The following CACNA2D1 variants were observed in gnomAD, a reference collection of about 807,000 sequenced individuals.
The protein encoded by CACNA2D1 is voltage-dependent calcium channel subunit alpha-2/delta-1.
A neutral mutation model predicts 171.5 loss-of-function variants in CACNA2D1; 53 were observed. That is an observed-to-expected ratio of 0.31 (90% CI 0.25 to 0.39). The LOEUF (loss-of-function observed/expected upper bound fraction) is 0.39, where lower values mean the gene tolerates loss of function less well. Among genes scored for constraint, CACNA2D1 ranks in the 10% least tolerant of loss-of-function variants. The probability of loss-of-function intolerance (pLI) is 1.00; values close to 1 mark genes in which losing one functional copy is unlikely to be tolerated. For missense variants in CACNA2D1, 903 were observed against 1,299.8 expected, an observed-to-expected ratio of 0.69 and a Z score of 4.69; for synonymous variants, 442 against 443.1, an observed-to-expected ratio of 1.00 and a Z score of 0.03.
chr7:82,264,510 A>G (rs1585264818), intron 3 of CACNA2D1, among the ~76,000 whole-genome samples: 1 of 152,334 alleles, frequency 6.6e-6, no homozygotes, highest in South Asian at 2.1e-4. Context: ...AGAGAGTAAA[A>G]GAAAAGCAGC....
intron 25 of CACNA2D1, 56 bp from the exon 26 acceptor site, chr7:81,971,920 T>A: frequency 9.4e-7 from 1 of 1,060,088 alleles, no homozygotes; most frequent in Non-Finnish European, 1.5e-6. Context: ...ATGATCATAA[T>A]GAAAAATATA....
intron 1 of CACNA2D1, among the ~76,000 whole-genome samples, chr7:82,398,772 T>TCTCAACATGTTGCCTAGGCTGGTGTC (rs1250044802): frequency 1.3e-5 from 2 of 151,728 alleles, no homozygotes; most frequent in African/African-American, 2.4e-5. Flanking sequence ...GAGATGGTGG[T>TCTCAACATGTTGCCTAGGCTGGTGTC]CTCAACATGT....
At chr7:82,033,110 T>C (rs1464639749) in intron 11 of CACNA2D1, 5 of 471,558 alleles carry the variant, frequency 1.1e-5, no homozygotes, top group African/African-American at 5.8e-5. Context: ...CATAAGTCTA[T>C]CTCACTTCCT....
chr7:82,386,879 A>G (rs4732456), intron 1 of CACNA2D1, among the ~76,000 whole-genome samples: 1,743 of 151,996 alleles, frequency 0.011, 60 homozygotes, highest in East Asian at 0.07. Context: ...CAAAAGTATC[A>G]AATTCCTTTT....
chr7:81,969,535 T>C (rs1795048793), intron 28 of CACNA2D1, among the ~76,000 whole-genome samples: 1 of 151,328 alleles, frequency 6.6e-6, no homozygotes, highest in Non-Finnish European at 1.5e-5. Context: ...ACTGATAAAA[T>C]GTAATTAATC....
intron 15 of CACNA2D1, among the ~76,000 whole-genome samples, chr7:82,008,110 C>T (rs1396272995): frequency 6.6e-6 from 1 of 152,040 alleles, no homozygotes; most frequent in Non-Finnish European, 1.5e-5. Context: ...ATATCAGGGC[C>T]TCCATAAGCA....
In CACNA2D1 at chr7:82,379,093, CA is replaced by C. The variant is rs376755644; in HGVS notation, c.96-29445del. Among the ~76,000 whole-genome samples, 79 of 151,998 alleles carry C rather than the reference CA, an allele frequency of 5.2e-4. No individual in the cohort carries two copies. The East Asian group carries it at 0.011, about 22-fold the overall frequency. Reference sequence around the variant, plus strand: ...TCTCTGTTAAATTGTGTTTTTTAAACAGGGGTGAGAGAGGGGACTGGGAGAA... The same window carrying C: ...TCTCTGTTAAATTGTGTTTTTTAAACGGGGTGAGAGAGGGGACTGGGAGAA... On this transcript the variant is annotated intron_variant, in intron 1 of 38. Transcript: ENST00000356860.
intron 21 of CACNA2D1, among the ~76,000 whole-genome samples, chr7:81,986,126 A>G (rs1294169030): frequency 1.3e-5 from 2 of 152,204 alleles, no homozygotes; most frequent in Non-Finnish European, 2.9e-5. Context: ...CACATGTGCT[A>G]TGGAGCCACA....
chr7:82,309,230 A>G (rs1464538472), intron 3 of CACNA2D1, among the ~76,000 whole-genome samples: 2 of 151,920 alleles, frequency 1.3e-5, no homozygotes, highest in African/African-American at 4.8e-5. Flanking sequence ...ACATGACGAA[A>G]CCCTGTCTCT....
intron 1 of CACNA2D1, among the ~76,000 whole-genome samples, chr7:82,406,889 C>G (rs1827116501): frequency 1.3e-5 from 2 of 152,054 alleles, no homozygotes; most frequent in Admixed American, 1.3e-4. Flanking sequence ...TCAACTTTAT[C>G]CAGATAATTC....
chr7:82,178,246 C>A (rs1201071981), intron 3 of CACNA2D1, among the ~76,000 whole-genome samples: 1 of 152,040 alleles, frequency 6.6e-6, no homozygotes, highest in African/African-American at 2.4e-5. Context: ...AAATTAACCA[C>A]AAAGCTTCAA....
intron 7 of CACNA2D1, among the ~76,000 whole-genome samples, chr7:82,074,661 A>G (rs1808741419): frequency 6.6e-6 from 1 of 152,200 alleles, no homozygotes; most frequent in Non-Finnish European, 1.5e-5. Context: ...TAGAATCCTC[A>G]GGATATCTCA....
At chr7:82,430,700 G>A (rs1829601930) in intron 1 of CACNA2D1, among the ~76,000 whole-genome samples, 1 of 152,152 alleles carries the variant, frequency 6.6e-6, no homozygotes, top group South Asian at 2.1e-4. Flanking sequence ...GATGAGTCAA[G>A]TAAACGCTGG....
intron 24 of CACNA2D1, among the ~76,000 whole-genome samples, chr7:81,977,981 A>G (rs1242494844): frequency 2.0e-5 from 3 of 152,250 alleles, no homozygotes; most frequent in Non-Finnish European, 2.9e-5. Flanking sequence ...CAAACATATG[A>G]AAAAAAGCTC....
chr7:82,317,683 G>A (rs903499686), intron 3 of CACNA2D1, among the ~76,000 whole-genome samples: 1 of 152,102 alleles, frequency 6.6e-6, no homozygotes, highest in Non-Finnish European at 1.5e-5. Flanking sequence ...CTATTTAGAA[G>A]AGAAATTTGA....
At chr7:82,105,818 G>C (rs1385995242) in intron 6 of CACNA2D1, among the ~76,000 whole-genome samples, 15 of 152,232 alleles carry the variant, frequency 9.9e-5, no homozygotes, top group African/African-American at 3.6e-4. Context: ...ACTGGCCCCA[G>C]TGTCCATGAC....
intron 17 of CACNA2D1, 75 bp from the exon 18 acceptor site, chr7:82,005,572 A>C: frequency 1.1e-6 from 1 of 940,046 alleles, no homozygotes; most frequent in Non-Finnish European, 1.7e-6. Flanking sequence ...TTAAATACAT[A>C]ATGTATTAAA....
intron 34 of CACNA2D1, 41 bp downstream of exon 34, chr7:81,964,015 T>C: frequency 7.2e-6 from 11 of 1,538,410 alleles, no homozygotes; most frequent in East Asian, 2.3e-5. Flanking sequence ...ATTTTACAAC[T>C]TCTTTCTTTC....
At chr7:82,251,111 C>T (rs908811805) in intron 3 of CACNA2D1, among the ~76,000 whole-genome samples, 3 of 152,042 alleles carry the variant, frequency 2.0e-5, no homozygotes, top group Admixed American at 6.6e-5. Context: ...GAATGCTGTT[C>T]TCATACTCTC....
Sources: allele counts gnomAD v4.1 joint callset (sites outside exome capture counted in the v4.1 genomes callset), GRCh38; gene constraint gnomAD v4.1.1; transcripts MANE v1.5; gene names NCBI Gene and HGNC (gene_info 2026-07-23, HGNC 2026-07-21).